The following ANKRD30BL variants were observed in gnomAD, a reference collection of about 807,000 sequenced individuals.
ANKRD30BL encodes the protein putative ankyrin repeat domain-containing protein 30B-like.
In ANKRD30BL, 20 loss-of-function variants were observed where a neutral mutation model predicts 18.4. The observed-to-expected ratio is 1.09, with a 90% CI of 0.77 to 1.58. ANKRD30BL has a LOEUF of 1.58. ANKRD30BL is among the 40% of genes most tolerant of loss of function. ANKRD30BL has a pLI of 0.00. For synonymous variants in ANKRD30BL, 72 were observed against 100.9 expected (o/e 0.71, Z 1.72); for missense variants, 224 against 268.6 (o/e 0.83, Z 1.16).
chr2:132,183,713 A>T (rs1688515186), intron 1 of ANKRD30BL, among the ~76,000 whole-genome samples: 1 of 152,084 alleles, frequency 6.6e-6, no homozygotes, highest in South Asian at 2.1e-4. Context: ...GTATACGTGT[A>T]TATATGTGTG....
chr2:132,230,542 T>G (rs1221154220), intron 1 of ANKRD30BL, among the ~76,000 whole-genome samples: 1 of 151,948 alleles, frequency 6.6e-6, no homozygotes, highest in African/African-American at 2.4e-5. Context: ...GCTCACAGAG[T>G]TGAACATAGC....
In ANKRD30BL at chr2:132,169,734, A is replaced by G. The variant is rs192369736; in HGVS notation, n.442-12588T>C. Among the ~76,000 whole-genome samples the G allele has an allele frequency of 3.8e-3, 579 of 152,044 alleles. 2 individuals carry two copies. Among genetic ancestry groups the G allele is most frequent in the African/African-American group, 0.014 (564 of 41,488 alleles). ...ATTAGAGACTGTAATAGGAAATTGC[A>G]GAGGTATATGCCCCCAGGTGAAACA... On this transcript the variant is annotated intron_variant and non_coding_transcript_variant, in intron 1 of 4. Transcript: ENST00000470729.
intron 1 of ANKRD30BL, among the ~76,000 whole-genome samples, chr2:132,221,916 T>C (rs1573859734): frequency 1.0e-5 from 1 of 97,166 alleles, no homozygotes; most frequent in Non-Finnish European, 1.9e-5. Flanking sequence ...GGGAGGGAGG[T>C]GGGGGGATCA....
intron 1 of ANKRD30BL, among the ~76,000 whole-genome samples, chr2:132,170,177 TCCATGCTTGTAGGACA>T (rs1274088984): frequency 2.6e-5 from 4 of 152,228 alleles, no homozygotes; most frequent in African/African-American, 4.8e-5. Context: ...GTACTGACTC[TCCATGCTTGTAGGACA>T]ACATATTATT....
At chr2:132,190,109 GA>G (rs1678814154) in intron 1 of ANKRD30BL, among the ~76,000 whole-genome samples, 2 of 151,936 alleles carry the variant, frequency 1.3e-5, no homozygotes, top group Admixed American at 1.3e-4. Context: ...ATTTATTTGA[GA>G]AAAAATATGC....
At chr2:132,214,025 C>T (rs1045719137) in intron 1 of ANKRD30BL, among the ~76,000 whole-genome samples, 3 of 151,456 alleles carry the variant, frequency 2.0e-5, no homozygotes, top group African/African-American at 7.3e-5. Context: ...TGTGAAACTA[C>T]TTTGTGATGT....
chr2:132,159,994 A>G (rs1450034533), intron 1 of ANKRD30BL, among the ~76,000 whole-genome samples: 2 of 152,116 alleles, frequency 1.3e-5, no homozygotes, highest in African/African-American at 4.8e-5. Context: ...TACTAGTATA[A>G]CCTGTGAGCA....
rs112684532 is a variant in ANKRD30BL at position 132,240,493 on chromosome 2, C to A, written n.441+17036G>T. Among the ~76,000 whole-genome samples, 34 of 150,786 alleles carry A rather than the reference C, an allele frequency of 2.3e-4. 1 individual carries two copies. Among genetic ancestry groups the A allele is most frequent in the African/African-American group, 8.2e-4 (34 of 41,242 alleles). ...CCATGGTGAAACAGGAAATATCTTCCCATAAAAACTAGACAGAAGAATTCT... is the reference window on the plus strand; with the variant it reads ...CCATGGTGAAACAGGAAATATCTTCACATAAAAACTAGACAGAAGAATTCT... On this transcript the variant is annotated intron_variant and non_coding_transcript_variant, in intron 1 of 4. Transcript: ENST00000470729.
intron 1 of ANKRD30BL, among the ~76,000 whole-genome samples, chr2:132,212,547 T>C (rs1241405476): frequency 1.3e-5 from 2 of 151,950 alleles, no homozygotes; most frequent in Non-Finnish European, 2.9e-5. Flanking sequence ...GTTGAATCTT[T>C]CTTTTGATTG....
At chr2:132,249,655 C>T (rs1387069619) in intron 1 of ANKRD30BL, among the ~76,000 whole-genome samples, 3 of 152,130 alleles carry the variant, frequency 2.0e-5, no homozygotes, top group East Asian at 1.9e-4. Context: ...TTTCCTTTTT[C>T]ACCATTGGCC....
intron 1 of ANKRD30BL, among the ~76,000 whole-genome samples, chr2:132,238,101 T>C (rs901227055): frequency 2.6e-5 from 4 of 151,996 alleles, no homozygotes; most frequent in African/African-American, 9.7e-5. Flanking sequence ...TTTAGTGCGA[T>C]TTGAGACCTA....
intron 1 of ANKRD30BL, among the ~76,000 whole-genome samples, chr2:132,253,478 G>A (rs76910393): frequency 6.6e-6 from 1 of 151,988 alleles, no homozygotes; most frequent in Admixed American, 6.5e-5. Flanking sequence ...ACAGTGGGGG[G>A]CAAACGCTGA....
chr2:132,253,484 G>A (rs963111268), intron 1 of ANKRD30BL, among the ~76,000 whole-genome samples: 29 of 152,104 alleles, frequency 1.9e-4, no homozygotes, highest in Non-Finnish European at 3.2e-4. Flanking sequence ...GGGGGCAAAC[G>A]CTGACACCAC....
At chr2:132,172,700 C>T (rs1271417690) in intron 1 of ANKRD30BL, among the ~76,000 whole-genome samples, 3 of 148,962 alleles carry the variant, frequency 2.0e-5, no homozygotes, top group Non-Finnish European at 4.4e-5. Context: ...GTTCCACTGT[C>T]TTGAGGGTGA....
At chr2:132,252,746 C>A (rs35362333) in intron 1 of ANKRD30BL, among the ~76,000 whole-genome samples, 54 of 152,150 alleles carry the variant, frequency 3.5e-4, no homozygotes, top group Admixed American at 2.4e-3. Flanking sequence ...CCCCCACCAC[C>A]GACGACGTGA....
At chr2:132,254,472 G>T (rs1009633191) in intron 1 of ANKRD30BL, among the ~76,000 whole-genome samples, 1 of 151,828 alleles carries the variant, frequency 6.6e-6, no homozygotes, top group African/African-American at 2.4e-5. Context: ...GGGCTGATCC[G>T]AGGGCCTCAC....
At chr2:132,222,832 T>A (rs374620836) in intron 1 of ANKRD30BL, among the ~76,000 whole-genome samples, 837 of 52,688 alleles carry the variant, frequency 0.016, no homozygotes, top group East Asian at 0.035. Flanking sequence ...GAATGATCAA[T>A]AAAAAAAAAA....
chr2:132,206,857 T>G, intron 1 of ANKRD30BL, among the ~76,000 whole-genome samples: 1 of 152,286 alleles, frequency 6.6e-6, no homozygotes, highest in Admixed American at 6.5e-5. Flanking sequence ...AAAAAATCCT[T>G]TCTTGCTTCT....
At chr2:132,186,712 T>C (rs1688565745) in intron 1 of ANKRD30BL, among the ~76,000 whole-genome samples, 1 of 151,610 alleles carries the variant, frequency 6.6e-6, no homozygotes, top group African/African-American at 2.4e-5. Flanking sequence ...TCACACATAC[T>C]GAGTATGGAA....
Sources: allele counts gnomAD v4.1 joint callset (sites outside exome capture counted in the v4.1 genomes callset), GRCh38; gene constraint gnomAD v4.1.1; transcripts MANE v1.5; gene names NCBI Gene and HGNC (gene_info 2026-07-23, HGNC 2026-07-21).